The following GRID1 variants were observed in gnomAD, a reference collection of about 807,000 sequenced individuals.
GRID1 encodes glutamate receptor ionotropic, delta-1.
Under a neutral mutation model 98.0 loss-of-function variants are expected in GRID1, and 28 were observed. The ratio of observed to expected loss-of-function variants is 0.29; its 90% confidence interval spans 0.21 to 0.39. GRID1 has a LOEUF of 0.39. Among genes scored for constraint, GRID1 ranks in the 10% least tolerant of loss-of-function variants. The pLI, the probability that GRID1 is intolerant of heterozygous loss-of-function variation, is 1.00. For missense variants in GRID1, 1,111 were observed against 1,340.5 expected (o/e 0.83, Z 2.67); for synonymous variants, 553 against 538.5 (o/e 1.03, Z -0.37).
At chr10:86,094,868 A>AAAAG (rs2131940722) in intron 4 of GRID1, among the ~76,000 whole-genome samples, 1 of 152,328 alleles carries the variant, frequency 6.6e-6, no homozygotes, top group Non-Finnish European at 1.5e-5. Context: ...GTGGAACCAA[A>AAAAG]AAAGAGTCCA....
At chr10:85,878,197 C>A (rs1294266355) in intron 5 of GRID1, among the ~76,000 whole-genome samples, 1 of 152,182 alleles carries the variant, frequency 6.6e-6, no homozygotes, top group Non-Finnish European at 1.5e-5. Context: ...AAACACCCTG[C>A]AGGGTATTAT....
At chr10:86,317,778 T>C (rs1847919460) in intron 2 of GRID1, among the ~76,000 whole-genome samples, 1 of 152,124 alleles carries the variant, frequency 6.6e-6, no homozygotes, top group Non-Finnish European at 1.5e-5. Flanking sequence ...TCGCACTCTG[T>C]CATCCAGGCT....
chr10:86,363,562 C>T (rs1187976489), intron 2 of GRID1, among the ~76,000 whole-genome samples: 2 of 152,188 alleles, frequency 1.3e-5, no homozygotes, highest in Non-Finnish European at 2.9e-5. Context: ...AGGGGAGGTG[C>T]GCCCGATACA....
intron 4 of GRID1, among the ~76,000 whole-genome samples, chr10:86,108,023 T>C (rs1159715039): frequency 2.0e-5 from 3 of 152,118 alleles, no homozygotes; most frequent in African/African-American, 7.2e-5. Context: ...TGCGACAAGG[T>C]AGAGGGTCTA....
intron 3 of GRID1, among the ~76,000 whole-genome samples, chr10:86,198,102 A>G (rs1845901478): frequency 6.6e-6 from 1 of 152,098 alleles, no homozygotes; most frequent in African/African-American, 2.4e-5. Context: ...GATTAAAGTA[A>G]CATTTGCCCC....
At position 86,259,335 on chromosome 10, in the gene GRID1, C is replaced by T. The variant is rs148357716; in HGVS notation, c.236-52687G>A. Among the ~76,000 whole-genome samples, 12 of 152,358 alleles carry T rather than the reference C, an allele frequency of 7.9e-5. No individual in the cohort carries two copies. The East Asian group carries it at 2.3e-3, about 29-fold the overall frequency. On this transcript the variant is annotated intron_variant, in intron 2 of 15. Transcript: ENST00000327946. The stretch of plus-strand genomic sequence containing the variant: ...TTTACCTCTCTCTCTACCTCTCTCT[C>T]TCTCTCCTCTCTCCTTAATCTGTAC...
At chr10:86,025,352 A>C (rs1425228421) in intron 4 of GRID1, among the ~76,000 whole-genome samples, 1 of 152,236 alleles carries the variant, frequency 6.6e-6, no homozygotes, top group Non-Finnish European at 1.5e-5. Flanking sequence ...ATGCAGCTCA[A>C]GTGCAGAGAC....
chr10:85,700,495 G>GT (rs1841438802), intron 12 of GRID1, among the ~76,000 whole-genome samples: 1 of 152,136 alleles, frequency 6.6e-6, no homozygotes, highest in South Asian at 2.1e-4. Context: ...TTTAAACAAA[G>GT]TATTTCCTAA....
At chr10:86,311,733 C>G (rs912841831) in intron 2 of GRID1, among the ~76,000 whole-genome samples, 1 of 152,216 alleles carries the variant, frequency 6.6e-6, no homozygotes, top group Non-Finnish European at 1.5e-5. Context: ...TGGTGGCTCA[C>G]GCCTGTAATT....
intron 4 of GRID1, among the ~76,000 whole-genome samples, chr10:85,975,443 A>C (rs747678113): frequency 6.6e-6 from 1 of 152,220 alleles, no homozygotes; most frequent in Non-Finnish European, 1.5e-5. Context: ...ATCCACATTT[A>C]GGGCCAAGAG....
At chr10:85,829,226 T>C (rs1011987568) in intron 8 of GRID1, among the ~76,000 whole-genome samples, 3 of 151,912 alleles carry the variant, frequency 2.0e-5, no homozygotes, top group Admixed American at 2.0e-4. Context: ...TCAATAAATG[T>C]AGAAAAGGTT....
intron 2 of GRID1, among the ~76,000 whole-genome samples, chr10:86,277,581 T>C (rs1338777192): frequency 6.6e-6 from 1 of 152,192 alleles, no homozygotes; most frequent in Admixed American, 6.5e-5. Context: ...TAAAGCTATA[T>C]AGGAGCATAG....
intron 8 of GRID1, among the ~76,000 whole-genome samples, chr10:85,731,506 A>C (rs541735184): frequency 3.1e-4 from 47 of 151,062 alleles, no homozygotes; most frequent in African/African-American, 1.1e-3. Context: ...TCTCCATTGG[A>C]CCTTAAAAAA....
At chr10:85,934,828 C>G (rs553497997) in intron 4 of GRID1, among the ~76,000 whole-genome samples, 1 of 152,272 alleles carries the variant, frequency 6.6e-6, no homozygotes, top group South Asian at 2.1e-4. Context: ...GAGTAGGGAC[C>G]TCCTGCCTCT....
chr10:85,632,206 TC>T (rs1211987818), intron 13 of GRID1, among the ~76,000 whole-genome samples: 5 of 152,196 alleles, frequency 3.3e-5, no homozygotes, highest in Non-Finnish European at 7.3e-5. Flanking sequence ...TGTTTGCCCC[TC>T]CAGGTCTGCC....
intron 4 of GRID1, among the ~76,000 whole-genome samples, chr10:86,080,406 GGGA>G (rs1843953575): frequency 8.0e-5 from 2 of 25,082 alleles, no homozygotes; most frequent in African/African-American, 1.5e-4. Context: ...GGGAAGGGAA[GGGA>G]AGGGGAGGGG....
intron 5 of GRID1, among the ~76,000 whole-genome samples, chr10:85,900,464 C>T (rs1263180796): frequency 1.3e-5 from 2 of 152,218 alleles, no homozygotes; most frequent in Non-Finnish European, 2.9e-5. Context: ...ACATTTGCTG[C>T]ATATGGTAAT....
chr10:86,341,857 A>G (rs910230628), intron 2 of GRID1, among the ~76,000 whole-genome samples: 2 of 152,170 alleles, frequency 1.3e-5, no homozygotes, highest in Non-Finnish European at 2.9e-5. Flanking sequence ...TGGAGCCCCA[A>G]TTTAGGGATC....
chr10:85,629,021 G>A (rs1409305276), intron 13 of GRID1, among the ~76,000 whole-genome samples: 2 of 152,132 alleles, frequency 1.3e-5, no homozygotes, highest in Non-Finnish European at 2.9e-5. Flanking sequence ...AGAAGATGGA[G>A]GTGTTCCCAG....
Sources: allele counts gnomAD v4.1 joint callset (sites outside exome capture counted in the v4.1 genomes callset), GRCh38; gene constraint gnomAD v4.1.1; transcripts MANE v1.5; gene names NCBI Gene and HGNC (gene_info 2026-07-23, HGNC 2026-07-21).